The following DENND4A variants were observed in gnomAD, a reference collection of about 807,000 sequenced individuals.
The protein encoded by DENND4A is DENN domain containing 4A.
A neutral mutation model predicts 199.3 loss-of-function variants in DENND4A; 70 were observed. The observed-to-expected ratio is 0.35, with a 90% CI of 0.29 to 0.43. DENND4A has a LOEUF of 0.43. Among genes scored for constraint, DENND4A ranks in the 20% least tolerant of loss-of-function variants. The pLI is 1.00. For synonymous variants in DENND4A, 686 were observed against 766.9 expected (o/e 0.89, Z 1.74); for missense variants, 1,723 against 2,255.8 (o/e 0.76, Z 4.78).
chr15:65,699,963 C>A (rs1284829897), intron 20 of DENND4A, among the ~76,000 whole-genome samples: 3 of 151,876 alleles, frequency 2.0e-5, no homozygotes, highest in African/African-American at 4.8e-5. Flanking sequence ...CAGGCATGAG[C>A]TATCACACCC....
intron 22 of DENND4A, among the ~76,000 whole-genome samples, chr15:65,694,057 A>C (rs1381753553): frequency 6.6e-6 from 1 of 152,172 alleles, no homozygotes; most frequent in Non-Finnish European, 1.5e-5. Context: ...GGCACACTAA[A>C]ACCAGAATTA....
intron 14 of DENND4A, 34 bp from the exon 15 acceptor site, chr15:65,706,258 C>T (rs376474621): frequency 9.5e-5 from 137 of 1,447,876 alleles, no homozygotes; most frequent in Non-Finnish European, 1.2e-4. Flanking sequence ...ATTAAAAAAG[C>T]CACATTGGTT....
rs1429495828 is a variant in DENND4A, at chr15:65,737,830, G to C, written c.917C>G (p.Thr306Arg). The C allele has an allele frequency of 3.7e-6, 6 of 1,602,668 alleles. No homozygotes were observed. Among genetic ancestry groups the C allele is most frequent in the Non-Finnish European group, 5.1e-6 (6 of 1,174,114 alleles). ...ACAGATGCATTTGTTAGTATGAATT[G>C]TTTTGGAACTATCAGACTTCCCATC... ...SADGKSDSSK[T>R]IHTNKCICLL... is the part of the protein sequence containing the mutation. The change falls in exon 7 of 33, where the codon ACA (threonine) becomes AGA (arginine). Residue 306 changes from threonine (T) to arginine (R), a missense_variant. Thr to Arg is a moderately conservative substitution (Grantham distance 71). Transcript: ENST00000443035.
intron 4 of DENND4A, among the ~76,000 whole-genome samples, chr15:65,749,440 C>G (rs2076502227): frequency 6.6e-6 from 1 of 152,066 alleles, no homozygotes; most frequent in Non-Finnish European, 1.5e-5. Flanking sequence ...CACAGAAGAG[C>G]TAAATAAATG....
At chr15:65,754,484 A>G (rs2076650336) in intron 3 of DENND4A, among the ~76,000 whole-genome samples, 1 of 152,238 alleles carries the variant, frequency 6.6e-6, no homozygotes, top group South Asian at 2.1e-4. Context: ...CATAAAGAAA[A>G]GTAAAAAGAA....
intron 2 of DENND4A, among the ~76,000 whole-genome samples, chr15:65,758,229 C>G (rs2076763794): frequency 1.3e-5 from 2 of 152,184 alleles, no homozygotes; most frequent in Non-Finnish European, 2.9e-5. Context: ...ATGCTTACAA[C>G]AGATTCAAAG....
At chr15:65,778,452 TA>T (rs565036538) in intron 1 of DENND4A, among the ~76,000 whole-genome samples, 2,091 of 89,616 alleles carry the variant, frequency 0.023, 28 homozygotes, top group African/African-American at 0.055. Flanking sequence ...TACAGTGACC[TA>T]AAAAAAAAAA....
At chr15:65,667,298 C>T (rs1293800394) in intron 29 of DENND4A, 151 bp downstream of exon 29, 2 of 957,598 alleles carry the variant, frequency 2.1e-6, no homozygotes, top group African/African-American at 1.7e-5. Context: ...CCACTGCACT[C>T]CAGCCTGGCG....
At chr15:65,670,250 C>G (rs2076176003) in intron 25 of DENND4A, 62 bp from the exon 26 acceptor site, 2 of 1,279,040 alleles carry the variant, frequency 1.6e-6, no homozygotes, top group Non-Finnish European at 2.1e-6. Context: ...AATTAAAAAC[C>G]ATTTCAATTC....
intron 20 of DENND4A, among the ~76,000 whole-genome samples, chr15:65,698,986 C>T (rs2077255638): frequency 6.6e-6 from 1 of 151,914 alleles, no homozygotes; most frequent in African/African-American, 2.4e-5. Context: ...GACCTGCCTG[C>T]CTTGGCCTCC....
At chr15:65,701,467 T>G (rs1444617939) in intron 18 of DENND4A, among the ~76,000 whole-genome samples, 2 of 152,038 alleles carry the variant, frequency 1.3e-5, no homozygotes, top group East Asian at 3.9e-4. Context: ...CTCAGGAGGC[T>G]CAGGTGGGAA....
chr15:65,707,245 A>C (rs2075093636), intron 14 of DENND4A, among the ~76,000 whole-genome samples: 1 of 152,140 alleles, frequency 6.6e-6, no homozygotes, highest in Admixed American at 6.5e-5. Flanking sequence ...ACAAGAGCTC[A>C]TAAACTAAAA....
chr15:65,777,776 C>G (rs2077321382), intron 1 of DENND4A, among the ~76,000 whole-genome samples: 1 of 152,168 alleles, frequency 6.6e-6, no homozygotes, highest in Admixed American at 6.5e-5. Context: ...TGGCTCACAC[C>G]TGTAATCCCA....
At chr15:65,670,334 T>A in intron 25 of DENND4A, 146 bp from the exon 26 acceptor site, 1 of 607,910 alleles carries the variant, frequency 1.6e-6, no homozygotes, top group Non-Finnish European at 2.5e-6. Context: ...ATCAGTGTAT[T>A]ATATACTATA....
intron 14 of DENND4A, among the ~76,000 whole-genome samples, chr15:65,712,939 TTC>T (rs1433578395): frequency 6.6e-6 from 1 of 152,202 alleles, no homozygotes; most frequent in African/African-American, 2.4e-5. Context: ...TATAAGTAAC[TTC>T]TTCCCTTAAT....
At chr15:65,786,885 A>G (rs748157330) in intron 1 of DENND4A, among the ~76,000 whole-genome samples, 9 of 152,220 alleles carry the variant, frequency 5.9e-5, no homozygotes, top group Non-Finnish European at 1.3e-4. Flanking sequence ...CATTACAACA[A>G]TTTCCTCTGG....
intron 27 of DENND4A, among the ~76,000 whole-genome samples, chr15:65,669,550 C>T (rs1198710999): frequency 6.6e-6 from 1 of 152,056 alleles, no homozygotes; most frequent in Non-Finnish European, 1.5e-5. Context: ...ATCATATATA[C>T]ATACAGCTTA....
intron 14 of DENND4A, among the ~76,000 whole-genome samples, chr15:65,710,012 A>T (rs1045844486): frequency 6.6e-6 from 1 of 152,072 alleles, no homozygotes; most frequent in Non-Finnish European, 1.5e-5. Context: ...CAGAATTCAT[A>T]ATCTTTAAGC....
intron 1 of DENND4A, among the ~76,000 whole-genome samples, chr15:65,783,470 T>C (rs1423333239): frequency 6.6e-6 from 1 of 152,220 alleles, no homozygotes; most frequent in Non-Finnish European, 1.5e-5. Flanking sequence ...TACATACATA[T>C]ATTTTCCAGG....
Sources: allele counts gnomAD v4.1 joint callset (sites outside exome capture counted in the v4.1 genomes callset), GRCh38; gene constraint gnomAD v4.1.1; transcripts MANE v1.5; gene names NCBI Gene and HGNC (gene_info 2026-07-23, HGNC 2026-07-21).